Variants in PPME1 observed in about 807,000 individuals in gnomAD.
PPME1 encodes testicular secretory protein Li 39.
In PPME1, 17 loss-of-function variants were observed where a neutral mutation model predicts 56.9. The observed-to-expected ratio is 0.30, with a 90% CI of 0.20 to 0.45. PPME1 has a LOEUF of 0.45. Among genes scored for constraint, PPME1 ranks in the 20% least tolerant of loss-of-function variants. The probability of loss-of-function intolerance (pLI) is 1.00; values close to 1 mark genes in which losing one functional copy is unlikely to be tolerated. For synonymous variants in PPME1, 122 were observed against 156.2 expected (o/e 0.78, Z 1.63); for missense variants, 357 against 483.2 (o/e 0.74, Z 2.45).
chr11:74,215,311 G>T (rs1337492120), intron 3 of PPME1, among the ~76,000 whole-genome samples: 1 of 152,188 alleles, frequency 6.6e-6, no homozygotes, highest in African/African-American at 2.4e-5. Context: ...CTGCACTCAA[G>T]CCTAGGCAAC....
Position 74,204,409 on chromosome 11 carries a change from A to G in PPME1, c.252A>G (p.Gly84=). Residue 84 remains glycine (G), a synonymous_variant, in exon 3 of 14, where the codon GGA becomes GGG. Transcript: ENST00000328257. ...SEGPVLLLLH[G]GGHSALSWAV... The stretch of plus-strand genomic sequence containing the variant: ...GTCCAGTCCTGCTCCTTCTGCATGG[A>G]GGAGGTCATTCTGCCCTTTCTTGGG... 6.2e-7 allele frequency: 1 copy of G among 1,613,528 alleles called. No homozygotes were observed. The highest frequency in any genetic ancestry group is 8.5e-7 in the Non-Finnish European group (1 of 1,179,576).
chr11:74,234,623 A>G (rs1859147282), intron 7 of PPME1, among the ~76,000 whole-genome samples: 1 of 152,236 alleles, frequency 6.6e-6, no homozygotes, highest in Non-Finnish European at 1.5e-5. Context: ...GATAGAGGTG[A>G]CCTTGACAAA....
chr11:74,203,868 T>G lies in PPME1; in HGVS notation c.195+47T>G, dbSNP rs761222275. The G allele has an allele frequency of 5.1e-6, 7 of 1,375,802 alleles. No individual in the cohort carries two copies. The Admixed American group carries it at 6.1e-5, about 12-fold the overall frequency. 85.2% of individuals were successfully genotyped at this position (1,375,802 alleles called of 1,614,324 possible). A position where few individuals can be genotyped will look rare whatever the true frequency, so the allele number is the denominator to read the frequency against. On this transcript the variant is annotated intron_variant, in intron 2 of 13. Coordinates refer to ENST00000328257, the MANE Select transcript of PPME1 (RefSeq NM_016147.3). ...ATTCTTTAGTGAGCTTATGATGTTG[T>G]CTAAGTTAAAAGACTTGTGTAGTTT...
At chr11:74,213,240 G>T (rs79776348) in intron 3 of PPME1, among the ~76,000 whole-genome samples, 1 of 152,174 alleles carries the variant, frequency 6.6e-6, no homozygotes, top group Non-Finnish European at 1.5e-5. Context: ...CATGGGGAGA[G>T]ACTATGCTTG....
At chr11:74,194,606 A>G (rs753087598) in intron 1 of PPME1, among the ~76,000 whole-genome samples, 4 of 151,560 alleles carry the variant, frequency 2.6e-5, no homozygotes, top group African/African-American at 4.8e-5. Context: ...TTGTATAAAT[A>G]TAACATCTAT....
intron 1 of PPME1, among the ~76,000 whole-genome samples, chr11:74,198,027 G>T (rs1018022528): frequency 1.3e-5 from 2 of 152,134 alleles, no homozygotes; most frequent in African/African-American, 4.8e-5. Flanking sequence ...TAGGAGGGGG[G>T]AGGAAATTAT....
chr11:74,212,892 G>A (rs1858516894), intron 3 of PPME1, among the ~76,000 whole-genome samples: 1 of 152,174 alleles, frequency 6.6e-6, no homozygotes, highest in Admixed American at 6.5e-5. Flanking sequence ...TCAGAGATGT[G>A]CTGGCTTCAA....
chr11:74,246,974 A>G, intron 10 of PPME1, 105 bp from the exon 11 acceptor site: 1 of 981,944 alleles, frequency 1.0e-6, no homozygotes, highest in South Asian at 1.4e-5. Context: ...TAGGATTGGT[A>G]TAAACATGAA....
intron 9 of PPME1, among the ~76,000 whole-genome samples, chr11:74,241,371 T>G (rs142082445): frequency 6.6e-6 from 1 of 152,358 alleles, no homozygotes; most frequent in Non-Finnish European, 1.5e-5. Flanking sequence ...ATACCACAGT[T>G]TTTAATCCAT....
At chr11:74,222,228 G>A in intron 3 of PPME1, 84 bp from the exon 4 acceptor site, 1 of 1,057,386 alleles carries the variant, frequency 9.5e-7, no homozygotes, top group South Asian at 1.4e-5. Context: ...TTTGATGGCA[G>A]TTCATTTTAC....
chr11:74,227,811 T>A (rs534109484), intron 5 of PPME1, among the ~76,000 whole-genome samples: 1 of 152,246 alleles, frequency 6.6e-6, no homozygotes, highest in South Asian at 2.1e-4. Flanking sequence ...TTAATAACAA[T>A]AAATTTCTCT....
At chr11:74,237,088 G>C (rs1219844300) in intron 8 of PPME1, among the ~76,000 whole-genome samples, 1 of 149,278 alleles carries the variant, frequency 6.7e-6, no homozygotes, top group East Asian at 1.9e-4. Context: ...TTGCCCCATA[G>C]AATTTCCCAT....
chr11:74,219,845 A>G (rs2154971), intron 3 of PPME1, among the ~76,000 whole-genome samples: 15,872 of 152,136 alleles, frequency 0.1, 2,166 homozygotes, highest in African/African-American at 0.32. Context: ...ATTTGATGGC[A>G]CAACAGGGTG....
intron 1 of PPME1, among the ~76,000 whole-genome samples, chr11:74,183,113 A>G (rs1353591613): frequency 6.6e-6 from 1 of 152,046 alleles, no homozygotes; most frequent in East Asian, 1.9e-4. Flanking sequence ...CCTGGGCAAC[A>G]TAGTGAGACC....
At chr11:74,222,928 A>G (rs1227671404) in intron 4 of PPME1, among the ~76,000 whole-genome samples, 1 of 149,950 alleles carries the variant, frequency 6.7e-6, no homozygotes, top group African/African-American at 2.5e-5. Context: ...TTAAAGTCAA[A>G]TTCTTTTTTT....
At chr11:74,233,790 T>C (rs1859125899) in intron 7 of PPME1, among the ~76,000 whole-genome samples, 1 of 152,124 alleles carries the variant, frequency 6.6e-6, no homozygotes, top group South Asian at 2.1e-4. Context: ...CCACTGCACT[T>C]CAGCCTGAAC....
At chr11:74,222,103 C>A (rs1367642083) in intron 3 of PPME1, among the ~76,000 whole-genome samples, 4 of 152,094 alleles carry the variant, frequency 2.6e-5, no homozygotes, top group Non-Finnish European at 5.9e-5. Context: ...GTAGAGAAAG[C>A]CATATTTTGA....
intron 1 of PPME1, among the ~76,000 whole-genome samples, chr11:74,195,243 C>G (rs572846600): frequency 1.9e-4 from 29 of 152,336 alleles, no homozygotes; most frequent in African/African-American, 5.8e-4. Flanking sequence ...GAGAGCATCT[C>G]TGTTTCCCAC....
chr11:74,241,991 T>C (rs1391424177), intron 9 of PPME1, among the ~76,000 whole-genome samples: 2 of 152,218 alleles, frequency 1.3e-5, no homozygotes, highest in Non-Finnish European at 2.9e-5. Context: ...TGAAATTCAA[T>C]TTATTTTTCT....
Sources: allele counts gnomAD v4.1 joint callset (sites outside exome capture counted in the v4.1 genomes callset), GRCh38; gene constraint gnomAD v4.1.1; transcripts MANE v1.5; gene names NCBI Gene and HGNC (gene_info 2026-07-23, HGNC 2026-07-21).